ANKS1B: variants seen among roughly 807,000 people sequenced by gnomAD.
The protein encoded by ANKS1B is ankyrin repeat and sterile alpha motif domain-containing protein 1B.
A neutral mutation model predicts 148.3 loss-of-function variants in ANKS1B; 36 were observed. The ratio of observed to expected loss-of-function variants is 0.24; its 90% CI spans 0.19 to 0.32. The LOEUF is 0.32. ANKS1B is among the 10% of genes least tolerant of loss of function. The pLI is 1.00. For missense variants in ANKS1B, 1,157 were observed against 1,542.6 expected (o/e 0.75, Z 4.19); for synonymous variants, 542 against 560.8 (o/e 0.97, Z 0.47).
intron 19 of ANKS1B, among the ~76,000 whole-genome samples, chr12:98,819,087 G>T (rs1293211760): frequency 1.3e-5 from 2 of 152,124 alleles, no homozygotes; most frequent in African/African-American, 4.8e-5. Context: ...TTCTTAAAAT[G>T]AGCACATTAC....
chr12:98,994,838 C>T (rs1271024254), intron 17 of ANKS1B, among the ~76,000 whole-genome samples: 1 of 152,154 alleles, frequency 6.6e-6, no homozygotes, highest in Non-Finnish European at 1.5e-5. Context: ...AATGACCTCG[C>T]TTTTGCTTAA....
At chr12:99,318,244 C>T (rs1345606434) in intron 12 of ANKS1B, among the ~76,000 whole-genome samples, 1 of 152,152 alleles carries the variant, frequency 6.6e-6, no homozygotes, top group Non-Finnish European at 1.5e-5. Flanking sequence ...GGAATGGTAC[C>T]AGCTCCTCTT....
At chr12:99,537,989 C>T (rs1596561730) in intron 9 of ANKS1B, among the ~76,000 whole-genome samples, 1 of 152,008 alleles carries the variant, frequency 6.6e-6, no homozygotes, top group South Asian at 2.1e-4. Flanking sequence ...ATCCAGTTTT[C>T]CCAGTACCAT....
intron 3 of ANKS1B, among the ~76,000 whole-genome samples, chr12:99,808,101 G>A (rs1186159082): frequency 2.0e-5 from 3 of 152,118 alleles, no homozygotes; most frequent in Non-Finnish European, 4.4e-5. Flanking sequence ...TATTGTCAAA[G>A]AAGAGCTGGG....
At chr12:99,099,090 G>C (rs979044247) in intron 15 of ANKS1B, among the ~76,000 whole-genome samples, 1 of 152,018 alleles carries the variant, frequency 6.6e-6, no homozygotes, top group African/African-American at 2.4e-5. Flanking sequence ...TTTCTCTGTT[G>C]AGTCCTAAAA....
rs80284316 is a variant in ANKS1B at position 98,975,432 on chromosome 12, C to T, written c.2778+77725G>A. On this transcript the variant is annotated intron_variant, in intron 17 of 26. Coordinates refer to ENST00000683438, the MANE Select transcript of ANKS1B (RefSeq NM_001352186.2). The stretch of plus-strand genomic sequence containing the variant: ...TTCCTTTCTTCCCTCCCCCTTCCTT[C>T]TTTCTTGCCTTCCTGCCTTGCAGTC... Among the ~76,000 whole-genome samples the T allele has an allele frequency of 8.8e-3, 1,337 of 151,870 alleles. 18 individuals carry two copies. Among genetic ancestry groups the T allele is most frequent in the African/African-American group, 0.031 (1,273 of 41,414 alleles).
intron 9 of ANKS1B, among the ~76,000 whole-genome samples, chr12:99,632,703 T>C (rs1010673397): frequency 1.5e-5 from 2 of 136,764 alleles, no homozygotes; most frequent in African/African-American, 5.3e-5. Flanking sequence ...CTCCTTTCTT[T>C]TGGCCTGTGT....
At chr12:98,757,202 T>C (rs1375142547) in intron 25 of ANKS1B, among the ~76,000 whole-genome samples, 3 of 152,062 alleles carry the variant, frequency 2.0e-5, no homozygotes, top group Non-Finnish European at 2.9e-5. Flanking sequence ...CTCAAAGACA[T>C]TGGAGCTCCA....
intron 17 of ANKS1B, among the ~76,000 whole-genome samples, chr12:98,963,797 A>T (rs2099875512): frequency 6.6e-6 from 1 of 151,926 alleles, no homozygotes; most frequent in African/African-American, 2.4e-5. Context: ...AACCCAAGAA[A>T]CTCTATAGGA....
chr12:99,446,159 T>C (rs896090084), intron 10 of ANKS1B, among the ~76,000 whole-genome samples: 7 of 151,774 alleles, frequency 4.6e-5, no homozygotes, highest in African/African-American at 1.7e-4. Context: ...GACTATGGCT[T>C]GGACAGAAGA....
chr12:99,839,018 A>T (rs1157221366), intron 1 of ANKS1B, among the ~76,000 whole-genome samples: 2 of 152,136 alleles, frequency 1.3e-5, no homozygotes, highest in African/African-American at 4.8e-5. Context: ...AGCTAAAAAT[A>T]GATCTCTTCT....
intron 1 of ANKS1B, among the ~76,000 whole-genome samples, chr12:99,902,744 GT>G (rs1271599087): frequency 6.8e-6 from 1 of 147,738 alleles, no homozygotes; most frequent in African/African-American, 2.5e-5. Flanking sequence ...CAAAATAGCT[GT>G]TATACACTTT....
chr12:99,770,779 T>G (rs1006002213), intron 8 of ANKS1B, among the ~76,000 whole-genome samples: 1 of 152,122 alleles, frequency 6.6e-6, no homozygotes, highest in African/African-American at 2.4e-5. Context: ...GTAAACTCTA[T>G]TCTTCCAAAT....
At chr12:98,894,400 G>T (rs2099759129) in intron 17 of ANKS1B, among the ~76,000 whole-genome samples, 1 of 151,992 alleles carries the variant, frequency 6.6e-6, no homozygotes, top group African/African-American at 2.4e-5. Flanking sequence ...GGGGTGGTGG[G>T]GGAATCGATA....
intron 8 of ANKS1B, chr12:99,706,739 T>C (rs528943315): frequency 1.3e-5 from 2 of 152,264 alleles, no homozygotes; most frequent in South Asian, 4.1e-4. Context: ...TCTCCCTTTC[T>C]GGCTTTGATG....
At chr12:99,636,575 T>C (rs1452425887) in intron 9 of ANKS1B, among the ~76,000 whole-genome samples, 1 of 152,096 alleles carries the variant, frequency 6.6e-6, no homozygotes, top group East Asian at 1.9e-4. Context: ...AACAGTGAAA[T>C]GCCCAAGGAA....
chr12:99,010,901 G>GTTTTT (rs1309326368), intron 17 of ANKS1B, among the ~76,000 whole-genome samples: 2 of 51,294 alleles, frequency 3.9e-5, no homozygotes, highest in Non-Finnish European at 3.8e-5. Context: ...GTGAGCTTTT[G>GTTTTT]TTTTTTTTTT....
chr12:99,344,333 A>G (rs2090360810), intron 12 of ANKS1B, among the ~76,000 whole-genome samples: 1 of 151,680 alleles, frequency 6.6e-6, no homozygotes, highest in South Asian at 2.1e-4. Flanking sequence ...AAGCATATTT[A>G]CTCCATTTCA....
At chr12:99,979,822 G>A (rs913299921) in intron 1 of ANKS1B, among the ~76,000 whole-genome samples, 2 of 152,066 alleles carry the variant, frequency 1.3e-5, no homozygotes, top group African/African-American at 4.8e-5. Flanking sequence ...TTGTCATTGC[G>A]TGGCTTCAAT....
Sources: gnomAD v4.1 joint callset for allele counts (sites outside exome capture counted in the v4.1 genomes callset) on GRCh38, gnomAD v4.1.1 for gene constraint, MANE v1.5 for transcripts, NCBI Gene and HGNC (gene_info 2026-07-23, HGNC 2026-07-21) for gene names.